The following ITPR2 variants were observed in gnomAD, a reference collection of about 807,000 sequenced individuals.
ITPR2 encodes inositol 1,4,5-trisphosphate receptor type 2, also known as inositol 1,4,5-trisphosphate-gated calcium channel ITPR2.
Under a neutral mutation model 317.1 loss-of-function variants are expected in ITPR2, and 207 were observed. The observed-to-expected ratio is 0.65, with a 90% CI of 0.58 to 0.73. ITPR2 has a LOEUF of 0.73. ITPR2 is among the 30% of genes least tolerant of loss of function. ITPR2 has a pLI of 0.00. For synonymous variants in ITPR2, 1,156 were observed against 1,149.1 expected (o/e 1.01, Z -0.12); for missense variants, 2,613 against 3,284.0 (o/e 0.80, Z 4.99).
At chr12:26,775,983 G>C (rs999937577) in intron 2 of ITPR2, among the ~76,000 whole-genome samples, 1 of 121,068 alleles carries the variant, frequency 8.3e-6, no homozygotes, top group African/African-American at 2.7e-5. Context: ...TCTCTCTAAA[G>C]AACCCTGACT....
Position 26,692,382 on chromosome 12 carries a change from G to A in ITPR2, c.996+3224C>T, listed in dbSNP as rs569850252. Among the ~76,000 whole-genome samples the A allele has an allele frequency of 1.4e-4, 21 of 152,270 alleles. No individual in the cohort carries two copies. In the East Asian group the frequency reaches 3.9e-3, roughly 28 times the overall value. On this transcript the variant is annotated intron_variant, in intron 10 of 56. Coordinates refer to ENST00000381340, the MANE Select transcript of ITPR2 (RefSeq NM_002223.4). ...AGGCAAAAGCCATTGCACCACAACA[G>A]AGAATTATCTGGCCCAATATGGCCA...
intron 2 of ITPR2, among the ~76,000 whole-genome samples, chr12:26,756,981 A>C (rs991878036): frequency 6.6e-6 from 1 of 152,206 alleles, no homozygotes; most frequent in Non-Finnish European, 1.5e-5. Flanking sequence ...AGCCTTTACC[A>C]AGATAGCCAC....
chr12:26,602,781 A>G, intron 26 of ITPR2, 75 bp from the exon 27 acceptor site: 1 of 606,400 alleles, frequency 1.6e-6, no homozygotes, highest in East Asian at 3.3e-5. Flanking sequence ...GTATTAAATA[A>G]TAAATATATT....
intron 37 of ITPR2, among the ~76,000 whole-genome samples, chr12:26,525,932 A>G (rs758023100): frequency 7.2e-5 from 11 of 152,164 alleles, no homozygotes; most frequent in Non-Finnish European, 1.3e-4. Context: ...CTCCAATCCA[A>G]GTCACCACTG....
chr12:26,777,973 C>G (rs543566863), intron 2 of ITPR2, among the ~76,000 whole-genome samples: 44 of 152,198 alleles, frequency 2.9e-4, no homozygotes, highest in Admixed American at 6.5e-4. Flanking sequence ...CCCAAAATGT[C>G]AGGCAGTCCT....
intron 37 of ITPR2, among the ~76,000 whole-genome samples, chr12:26,505,381 T>A (rs773070798): frequency 2.0e-5 from 3 of 152,182 alleles, no homozygotes; most frequent in Non-Finnish European, 2.9e-5. Context: ...CTTCTTAGTG[T>A]CTTATCATGC....
intron 37 of ITPR2, among the ~76,000 whole-genome samples, chr12:26,547,871 C>T (rs760452250): frequency 2.8e-4 from 43 of 152,236 alleles, no homozygotes; most frequent in Non-Finnish European, 4.9e-4. Flanking sequence ...TAAAATTTGG[C>T]GCCATAAACC....
intron 23 of ITPR2, among the ~76,000 whole-genome samples, chr12:26,624,780 A>AG (rs984436276): frequency 5.7e-4 from 87 of 152,024 alleles, no homozygotes; most frequent in African/African-American, 2.0e-3. Flanking sequence ...GTTTCTCAAA[A>AG]AAAAAAAAAA....
chr12:26,596,387 C>T (rs1300750910), intron 31 of ITPR2, among the ~76,000 whole-genome samples: 2 of 152,296 alleles, frequency 1.3e-5, no homozygotes, highest in East Asian at 3.9e-4. Context: ...TGGCTCACGC[C>T]TGTAAATCCA....
At chr12:26,507,504 C>A (rs1235176730) in intron 37 of ITPR2, among the ~76,000 whole-genome samples, 1 of 152,102 alleles carries the variant, frequency 6.6e-6, no homozygotes, top group East Asian at 1.9e-4. Context: ...ATCCGGGGCA[C>A]TAAGAAAGTA....
intron 43 of ITPR2, among the ~76,000 whole-genome samples, chr12:26,479,388 T>C (rs1346502361): frequency 1.3e-5 from 2 of 152,148 alleles, no homozygotes; most frequent in Non-Finnish European, 1.5e-5. Flanking sequence ...ATAATCTATA[T>C]GCTTATACTT....
chr12:26,701,018 G>A (rs910925136), intron 9 of ITPR2, among the ~76,000 whole-genome samples: 2 of 152,176 alleles, frequency 1.3e-5, no homozygotes, highest in African/African-American at 4.8e-5. Flanking sequence ...ATCAAAGGCA[G>A]GGTCCACTGC....
chr12:26,433,621 TGTA>T (rs1941277196), intron 48 of ITPR2, among the ~76,000 whole-genome samples: 1 of 152,200 alleles, frequency 6.6e-6, no homozygotes, highest in Non-Finnish European at 1.5e-5. Context: ...TTACAATCTT[TGTA>T]TTTTAAAAAA....
intron 45 of ITPR2, 84 bp downstream of exon 45, chr12:26,475,212 A>G (rs1350200324): frequency 6.7e-6 from 10 of 1,498,164 alleles, no homozygotes; most frequent in Non-Finnish European, 8.3e-6. Context: ...TGAAGGGACC[A>G]GAACTTGAAA....
chr12:26,454,385 T>C (rs1941825326), intron 45 of ITPR2, among the ~76,000 whole-genome samples: 9 of 152,082 alleles, frequency 5.9e-5, no homozygotes, highest in Admixed American at 5.9e-4. Flanking sequence ...TTTGTATTTT[T>C]AGTAGAGATG....
intron 26 of ITPR2, among the ~76,000 whole-genome samples, chr12:26,616,283 A>G (rs1467497729): frequency 6.6e-5 from 10 of 151,844 alleles, no homozygotes; most frequent in East Asian, 1.9e-4. Flanking sequence ...GACTACAGGC[A>G]CCCACCACCA....
chr12:26,643,533 T>A (rs1406659793), intron 21 of ITPR2, among the ~76,000 whole-genome samples: 1 of 152,128 alleles, frequency 6.6e-6, no homozygotes, highest in Non-Finnish European at 1.5e-5. Flanking sequence ...TCTCTAAGAG[T>A]ATTCTTAAAG....
chr12:26,561,857 TTG>T lies in ITPR2; in HGVS notation c.4724_4725del (p.Ala1575AspfsTer14). On this transcript the variant is annotated frameshift_variant, in exon 35 of 57. Coordinates refer to ENST00000381340, the MANE Select transcript of ITPR2 (RefSeq NM_002223.4). LOFTEE classifies it high-confidence loss of function. ...GAGCGAGCTGATAGTCTCCAACCCA[TTG>T]CTGCTCTCTGCACCATATTTGAATG... ...KSHSNMVQRA[A>X]MGWRLSARSG... The T allele has an allele frequency of 6.3e-7, 1 of 1,599,442 alleles. No individual in the cohort carries two copies.
intron 46 of ITPR2, among the ~76,000 whole-genome samples, chr12:26,443,165 G>A (rs1941526810): frequency 6.6e-6 from 1 of 152,100 alleles, no homozygotes; most frequent in South Asian, 2.1e-4. Context: ...CTTGTGAATT[G>A]CTGGAGATCT....
Sources: gnomAD v4.1 joint callset for allele counts (sites outside exome capture counted in the v4.1 genomes callset) on GRCh38, gnomAD v4.1.1 for gene constraint, MANE v1.5 for transcripts, NCBI Gene and HGNC (gene_info 2026-07-23, HGNC 2026-07-21) for gene names.